Variants in FALEC observed in about 807,000 individuals in gnomAD.
The protein encoded by FALEC is focally amplified lncRNA regulator of ECM1.
At chr1:150,535,024 G>A in the FALEC span, among the ~76,000 whole-genome samples, 3 of 152,096 alleles carry the variant, frequency 2.0e-5, no homozygotes, top group East Asian at 5.8e-4. Flanking sequence ...GAACAGAGTT[G>A]ACTGGTGATG....
the FALEC span, among the ~76,000 whole-genome samples, chr1:150,532,030 C>T: frequency 6.6e-6 from 1 of 152,178 alleles, no homozygotes; most frequent in African/African-American, 2.4e-5. Flanking sequence ...TCTCAGCCTC[C>T]CGAGTAGCTG....
the FALEC span, among the ~76,000 whole-genome samples, chr1:150,534,629 G>T: frequency 6.6e-6 from 1 of 152,186 alleles, no homozygotes; most frequent in East Asian, 1.9e-4. Flanking sequence ...GGATCATGAG[G>T]TCAGGAAATC....
chr1:150,534,076 C>G, the FALEC span, among the ~76,000 whole-genome samples: 1 of 152,242 alleles, frequency 6.6e-6, no homozygotes, highest in Non-Finnish European at 1.5e-5. Context: ...ATCCTTAACT[C>G]AGCCTTCTGG....
the FALEC span, among the ~76,000 whole-genome samples, chr1:150,533,430 C>CTTTTTTT: frequency 3.0e-4 from 29 of 97,678 alleles, 3 homozygotes; most frequent in Non-Finnish European, 3.1e-4. Context: ...AGAACCAGAG[C>CTTTTTTT]TTTTTTTTTT....
At chr1:150,529,830 C>G in the FALEC span, among the ~76,000 whole-genome samples, 1 of 152,150 alleles carries the variant, frequency 6.6e-6, no homozygotes, top group Non-Finnish European at 1.5e-5. Flanking sequence ...ATCTCCTGAC[C>G]TCATGATCCG....
At chr1:150,530,502 G>T in the FALEC span, among the ~76,000 whole-genome samples, 1 of 152,120 alleles carries the variant, frequency 6.6e-6, no homozygotes, top group Non-Finnish European at 1.5e-5. Flanking sequence ...CTCATGGTTT[G>T]CAGGGACTCT....
At chr1:150,534,803 C>T in the FALEC span, among the ~76,000 whole-genome samples, 2 of 148,838 alleles carry the variant, frequency 1.3e-5, no homozygotes, top group Non-Finnish European at 1.5e-5. Context: ...GATCATGCCA[C>T]TGCACTCCAG....
At chr1:150,526,552 C>T in the FALEC span, among the ~76,000 whole-genome samples, 1 of 68,156 alleles carries the variant, frequency 1.5e-5, no homozygotes, top group Non-Finnish European at 3.3e-5. Context: ...ATTCTCCTGC[C>T]TCAGCCTCCC....
the FALEC span, among the ~76,000 whole-genome samples, chr1:150,530,396 AT>A: frequency 1.3e-5 from 2 of 152,042 alleles, no homozygotes; most frequent in Non-Finnish European, 2.9e-5. Context: ...ACATCTGATC[AT>A]TCTCTCCCCT....
chr1:150,531,406 C>T, the FALEC span, among the ~76,000 whole-genome samples: 4 of 151,962 alleles, frequency 2.6e-5, no homozygotes, highest in East Asian at 1.9e-4. Flanking sequence ...ACCTGGGAGG[C>T]GGAGGTTGCC....
At chr1:150,532,613 G>T in the FALEC span, among the ~76,000 whole-genome samples, 1 of 152,122 alleles carries the variant, frequency 6.6e-6, no homozygotes, top group Non-Finnish European at 1.5e-5. Flanking sequence ...ATTGAGTCAA[G>T]ATTCTTATCT....
At chr1:150,521,708 G>T (rs1024259857), downstream of FALEC, among the ~76,000 whole-genome samples, 4 of 152,148 alleles carry the variant, frequency 2.6e-5, no homozygotes, top group Admixed American at 6.5e-5. Flanking sequence ...TGACCCCTCT[G>T]CAGGCCATGT....
At chr1:150,522,661 C>T (rs1277642740), downstream of FALEC, among the ~76,000 whole-genome samples, 1 of 150,716 alleles carries the variant, frequency 6.6e-6, no homozygotes, top group African/African-American at 2.4e-5. Flanking sequence ...CACTGTCCAA[C>T]ACAGTAGCCA....
At chr1:150,528,912 T>G in the FALEC span, among the ~76,000 whole-genome samples, 1 of 150,216 alleles carries the variant, frequency 6.7e-6, no homozygotes, top group Admixed American at 6.8e-5. Context: ...ATTTATTGAA[T>G]GATGGTCTTT....
downstream of FALEC, among the ~76,000 whole-genome samples, chr1:150,519,836 G>A (rs1420052753): frequency 1.3e-5 from 2 of 150,800 alleles, no homozygotes; most frequent in African/African-American, 2.4e-5. Flanking sequence ...TGGGCAACAA[G>A]AGCGAAACTC....
chr1:150,528,263 T>C, the FALEC span, among the ~76,000 whole-genome samples: 4 of 152,190 alleles, frequency 2.6e-5, no homozygotes, highest in Non-Finnish European at 5.9e-5. Context: ...CAACATCTTA[T>C]AACTGAGAGA....
chr1:150,525,438 G>C, the FALEC span, among the ~76,000 whole-genome samples: 1 of 151,920 alleles, frequency 6.6e-6, no homozygotes, highest in Admixed American at 6.6e-5. Flanking sequence ...CTGGGTCCCA[G>C]AGTGAGACCA....
downstream of FALEC, among the ~76,000 whole-genome samples, chr1:150,521,324 T>C (rs1670640763): frequency 6.6e-6 from 1 of 152,222 alleles, no homozygotes; most frequent in East Asian, 1.9e-4. Context: ...CTAATTTTTC[T>C]TCCCACAGGC....
At chr1:150,531,752 C>T in the FALEC span, among the ~76,000 whole-genome samples, 2 of 152,264 alleles carry the variant, frequency 1.3e-5, no homozygotes, top group African/African-American at 2.4e-5. Context: ...AAAAATGCAC[C>T]CCTAACCAAG....
Sources: allele counts gnomAD v4.1 joint callset (sites outside exome capture counted in the v4.1 genomes callset), GRCh38; gene constraint gnomAD v4.1.1; transcripts MANE v1.5; gene names NCBI Gene and HGNC (gene_info 2026-07-23, HGNC 2026-07-21).